SGPP1: variants seen among roughly 807,000 people sequenced by gnomAD.
SGPP1 encodes hSPP1.
SGPP1 carries 21 observed loss-of-function variants against 33.0 expected under a neutral mutation model. The ratio of observed to expected loss-of-function variants is 0.64; its 90% CI spans 0.45 to 0.92. The LOEUF (loss-of-function observed/expected upper bound fraction) is 0.92. Ranked by LOEUF, SGPP1 falls within the 40% of genes least tolerant of loss-of-function variation. The probability of loss-of-function intolerance (pLI) is 0.00; values close to 1 mark genes in which losing one functional copy is unlikely to be tolerated. For synonymous variants in SGPP1, 239 were observed against 241.2 expected, an observed-to-expected ratio of 0.99 and a Z score of 0.08; for missense variants, 543 against 589.4, an observed-to-expected ratio of 0.92 and a Z score of 0.81.
Position 63,698,601 on chromosome 14 carries a change from TTAGGCAAAC to T in SGPP1, c.733_741del (p.Val245_Leu247del). On this transcript the variant is annotated inframe_deletion, in exon 2 of 3. Coordinates refer to ENST00000247225, the MANE Select transcript of SGPP1 (RefSeq NM_030791.4). Reference sequence around the variant, plus strand: ...GAGTGCATTCCCATGTAAATTCTACTTAGGCAAACTAGAGAACACCAGCAGGGAATAAGA... The same window carrying T: ...GAGTGCATTCCCATGTAAATTCTACTTAGAGAACACCAGCAGGGAATAAGA... 1 of 1,604,414 alleles carries T rather than the reference TTAGGCAAAC, an allele frequency of 6.2e-7. No homozygotes were observed. The highest frequency in any genetic ancestry group is 1.1e-5 in the South Asian group (1 of 89,750).
intron 1 of SGPP1, among the ~76,000 whole-genome samples, chr14:63,707,697 C>G (rs574161492): frequency 6.6e-6 from 1 of 152,226 alleles, no homozygotes; most frequent in East Asian, 1.9e-4. Context: ...CCACCTATCT[C>G]GGCCTCCCAA....
At chr14:63,688,733 T>A (rs895606509) in intron 2 of SGPP1, among the ~76,000 whole-genome samples, 24 of 150,424 alleles carry the variant, frequency 1.6e-4, no homozygotes, top group Non-Finnish European at 3.5e-4. Flanking sequence ...TTCTTTTTTT[T>A]TTTTTTGAGA....
intron 1 of SGPP1, among the ~76,000 whole-genome samples, chr14:63,725,342 C>A (rs908288595): frequency 6.6e-6 from 1 of 152,220 alleles, no homozygotes; most frequent in African/African-American, 2.4e-5. Flanking sequence ...CCACTGCACT[C>A]CAGCCTGGGC....
At position 63,686,348 on chromosome 14, in the gene SGPP1, C is replaced by T; in HGVS notation, c.1083G>A (p.Leu361=). The T allele has an allele frequency of 5.6e-6, 9 of 1,613,990 alleles. No individual in the cohort carries two copies. Among genetic ancestry groups the T allele is most frequent in the South Asian group, 4.4e-5 (4 of 91,058 alleles). The change falls in exon 3 of 3, where the codon CTG becomes CTA. Residue 361 remains leucine, a synonymous_variant. Coordinates refer to ENST00000247225, the MANE Select transcript of SGPP1 (RefSeq NM_030791.4). The part of the protein sequence containing the change: ...PLAGPPITVT[L]FGKAILRILI... ...GGATCCGCAATATGGCTTTTCCAAA[C>T]AGAGTCACAGTAATGGGGGGCCCAG...
Position 63,686,392 on chromosome 14 carries a change from G to A in SGPP1, c.1039C>T (p.Leu347=). 1 of 1,614,158 alleles carries A rather than the reference G, an allele frequency of 6.2e-7. No individual in the cohort carries two copies. Residue 347 remains leucine, a synonymous_variant, in exon 3 of 3, where the codon CTA becomes TTA. Transcript: ENST00000247225. The part of the protein sequence containing the change: ...YNMGLVLDPS[L]DTLPLAGPPI... ...GGCCCAGCTAAAGGTAATGTATCTA[G>A]AGAAGGATCTAATACTAGACCCATG...
intron 1 of SGPP1, among the ~76,000 whole-genome samples, chr14:63,710,903 T>C (rs1478740622): frequency 6.6e-6 from 1 of 152,216 alleles, no homozygotes; most frequent in East Asian, 1.9e-4. Flanking sequence ...ACATCTCAGT[T>C]TCCTCATCTA....
At chr14:63,696,226 G>C (rs1885183572) in intron 2 of SGPP1, among the ~76,000 whole-genome samples, 1 of 152,128 alleles carries the variant, frequency 6.6e-6, no homozygotes. Flanking sequence ...AGTGAGCTGA[G>C]ATCACGCCTC....
chr14:63,719,413 C>T (rs1396366022), intron 1 of SGPP1, among the ~76,000 whole-genome samples: 4 of 151,978 alleles, frequency 2.6e-5, no homozygotes, highest in Non-Finnish European at 4.4e-5. Flanking sequence ...TACTCTCATA[C>T]ATTTCCAGGA....
chr14:63,706,938 G>C (rs1358436859), intron 1 of SGPP1, among the ~76,000 whole-genome samples: 1 of 151,160 alleles, frequency 6.6e-6, no homozygotes, highest in African/African-American at 2.4e-5. Context: ...AGCTACTCGG[G>C]AGGCTGAGGT....
At chr14:63,715,065 T>C (rs1050068740) in intron 1 of SGPP1, among the ~76,000 whole-genome samples, 26 of 148,524 alleles carry the variant, frequency 1.8e-4, no homozygotes, top group Non-Finnish European at 6.0e-5. Context: ...GTTGCTCTTG[T>C]TGCTCATGCT....
At position 63,727,625 on chromosome 14, in the gene SGPP1, G is replaced by T. The variant is rs776548509; in HGVS notation, c.320C>A (p.Ala107Asp). The T allele has an allele frequency of 1.4e-6, 2 of 1,436,786 alleles. No homozygotes were observed. The highest frequency in any genetic ancestry group is 1.8e-6 in the Non-Finnish European group (2 of 1,104,358). The allele number at this position is 1,436,786 out of a possible 1,614,324, so 89.0% of individuals were successfully genotyped here. ...GCCCGTCAGCGAGTTGCGGCGCAGA[G>T]CGCCCGCGCGCCGCGGCGAGGCCGG... is the stretch of plus-strand genomic sequence containing the variant. ...LGPASPRRAG[A>D]LRRNSLTGEE... The change falls in exon 1 of 3, where the codon GCT (alanine) becomes GAT (aspartate). Residue 107 changes from alanine to aspartate, a missense_variant. Transcript: ENST00000247225.
At chr14:63,704,751 G>A (rs984264683) in intron 1 of SGPP1, among the ~76,000 whole-genome samples, 6 of 152,056 alleles carry the variant, frequency 3.9e-5, no homozygotes, top group Admixed American at 1.3e-4. Flanking sequence ...TATGACTCTG[G>A]ATTAGGCAAC....
intron 2 of SGPP1, among the ~76,000 whole-genome samples, chr14:63,688,782 CG>C (rs1885035428): frequency 6.7e-6 from 1 of 148,180 alleles, no homozygotes; most frequent in Non-Finnish European, 1.5e-5. Flanking sequence ...AATGCAGTGG[CG>C]TGATCTCAGC....
intron 1 of SGPP1, among the ~76,000 whole-genome samples, chr14:63,710,280 G>A (rs1426139896): frequency 6.6e-6 from 1 of 152,022 alleles, no homozygotes; most frequent in Non-Finnish European, 1.5e-5. Context: ...CTATACTAAG[G>A]ACATAGAAAT....
intron 1 of SGPP1, among the ~76,000 whole-genome samples, chr14:63,723,828 T>G (rs181205187): frequency 2.0e-5 from 3 of 152,186 alleles, no homozygotes; most frequent in Admixed American, 2.0e-4. Flanking sequence ...TCTGGGAAAC[T>G]TACCCTGGGA....
intron 1 of SGPP1, among the ~76,000 whole-genome samples, chr14:63,708,913 A>T (rs937086071): frequency 1.3e-5 from 2 of 152,214 alleles, no homozygotes; most frequent in Non-Finnish European, 2.9e-5. Context: ...CTGAGCTCTT[A>T]ACTACTACAC....
intron 1 of SGPP1, among the ~76,000 whole-genome samples, chr14:63,722,917 A>G (rs1428937908): frequency 6.6e-6 from 1 of 151,200 alleles, no homozygotes; most frequent in Non-Finnish European, 1.5e-5. Context: ...GGCTGCAGTG[A>G]GCCGGAATCG....
intron 2 of SGPP1, among the ~76,000 whole-genome samples, chr14:63,690,365 TAA>T (rs986544798): frequency 2.0e-5 from 3 of 152,150 alleles, no homozygotes; most frequent in African/African-American, 7.2e-5. Context: ...TTCTATGCAA[TAA>T]AAATTGTGTC....
chr14:63,719,073 G>A (rs1400317045), intron 1 of SGPP1, among the ~76,000 whole-genome samples: 7 of 116,036 alleles, frequency 6.0e-5, no homozygotes, highest in Middle Eastern at 8.8e-3. Flanking sequence ...TGTCATCCAA[G>A]CTGGAGTGCA....
Sources: allele counts gnomAD v4.1 joint callset (sites outside exome capture counted in the v4.1 genomes callset), GRCh38; gene constraint gnomAD v4.1.1; transcripts MANE v1.5; gene names NCBI Gene and HGNC (gene_info 2026-07-23, HGNC 2026-07-21).